The following ELF5 variants were observed in gnomAD, a reference collection of about 807,000 sequenced individuals.
ELF5 encodes the protein E74 like ETS transcription factor 5.
In ELF5, 31 loss-of-function variants were observed where a neutral mutation model predicts 38.2. That is an observed-to-expected ratio of 0.81 (90% CI 0.61 to 1.10). The LOEUF is 1.10. Among genes scored for constraint, ELF5 ranks in the 50% least tolerant of loss-of-function variants. The pLI is 0.00. For synonymous variants in ELF5, 121 were observed against 112.5 expected, an observed-to-expected ratio of 1.08 and a Z score of -0.48; for missense variants, 300 against 306.6, an observed-to-expected ratio of 0.98 and a Z score of 0.16.
intron 1 of ELF5, among the ~76,000 whole-genome samples, chr11:34,513,227 G>A (rs1408365715): frequency 6.6e-6 from 1 of 152,090 alleles, no homozygotes; most frequent in Non-Finnish European, 1.5e-5. Flanking sequence ...TAATAAGGGA[G>A]TTCTCTGTAT....
At position 34,490,003 on chromosome 11, in the gene ELF5, A is replaced by G; in HGVS notation, c.406+6T>C. 1 of 1,614,116 alleles carries G rather than the reference A, an allele frequency of 6.2e-7. No individual in the cohort carries two copies. Among genetic ancestry groups the G allele is most frequent in the Non-Finnish European group, 8.5e-7 (1 of 1,179,956 alleles). ...AGCCTTGGGTGGCTTGCGCTTGGTT[A>G]CTTACAGTCTTTGATGGTGGCCTTG... is the stretch of plus-strand genomic sequence containing the variant. On this transcript the variant is annotated splice_donor_region_variant and intron_variant, in intron 4 of 6. Transcript: ENST00000257832.
intron 2 of ELF5, among the ~76,000 whole-genome samples, chr11:34,496,414 G>A (rs1446895741): frequency 6.6e-6 from 1 of 152,194 alleles, no homozygotes; most frequent in Non-Finnish European, 1.5e-5. Flanking sequence ...CCTCAGGACG[G>A]GAGGAGAGTG....
intron 4 of ELF5, among the ~76,000 whole-genome samples, chr11:34,487,071 C>T (rs1850016177): frequency 6.6e-6 from 1 of 152,062 alleles, no homozygotes; most frequent in Non-Finnish European, 1.5e-5. Context: ...TTCATACCTC[C>T]CCTTGTGCCC....
At chr11:34,508,522 A>T (rs563353308) in intron 1 of ELF5, among the ~76,000 whole-genome samples, 167 of 152,244 alleles carry the variant, frequency 1.1e-3, no homozygotes, top group Non-Finnish European at 2.1e-3. Context: ...TAAAAAATAA[A>T]AAATAAAAAA....
rs942003530 is a variant in ELF5 at position 34,479,764 on chromosome 11, A to G, written c.*454T>C. ...AAAATCTAAAGTATGTATGTCTTAT[A>G]TCTCACCCTCTCCTACCATAACCTG... On this transcript the variant is annotated 3_prime_UTR_variant, in exon 7 of 7. Coordinates refer to ENST00000257832, the MANE Select transcript of ELF5 (RefSeq NM_001422.4). 1 of 155,596 alleles carries G rather than the reference A, an allele frequency of 6.4e-6. No individual in the cohort carries two copies. Among genetic ancestry groups the G allele is most frequent in the African/African-American group, 2.4e-5 (1 of 41,448 alleles). The allele number at this position is 155,596 out of a possible 1,614,324, so 9.6% of individuals were successfully genotyped here.
chr11:34,489,785 T>A (rs994624394), intron 4 of ELF5, among the ~76,000 whole-genome samples: 1 of 151,944 alleles, frequency 6.6e-6, no homozygotes. Flanking sequence ...GGGAATGGAG[T>A]CTCAGACGAT....
chr11:34,498,650 C>T (rs1337058069), intron 2 of ELF5, among the ~76,000 whole-genome samples: 1 of 152,122 alleles, frequency 6.6e-6, no homozygotes, highest in Non-Finnish European at 1.5e-5. Context: ...GCTGTATCCC[C>T]AGGGTGCACA....
intron 1 of ELF5, among the ~76,000 whole-genome samples, chr11:34,510,224 C>T (rs1457018464): frequency 6.6e-6 from 1 of 152,030 alleles, no homozygotes; most frequent in Non-Finnish European, 1.5e-5. Context: ...TTGTAAAGGG[C>T]CTTCTCAGGT....
chr11:34,505,770 G>C lies in ELF5; in HGVS notation c.-4-17C>G. 6.2e-7 allele frequency: 1 copy of C among 1,610,960 alleles called. No homozygotes were observed. Among genetic ancestry groups the C allele is most frequent in the African/African-American group, 1.3e-5 (1 of 74,960 alleles). ...AACATTACCCTGCAACAGCAGGAGA[G>C]GTCGTGAGGAGGCTGGGGTGAGGTA... On this transcript the variant is annotated splice_polypyrimidine_tract_variant and intron_variant, in intron 1 of 6. Transcript: ENST00000257832.
chr11:34,495,136 C>T (rs1850285728), intron 2 of ELF5, among the ~76,000 whole-genome samples: 1 of 152,182 alleles, frequency 6.6e-6, no homozygotes, highest in Non-Finnish European at 1.5e-5. Context: ...GCTCTCCCCA[C>T]ACCACCATAC....
At chr11:34,506,244 C>A (rs1220570816) in intron 1 of ELF5, among the ~76,000 whole-genome samples, 1 of 152,110 alleles carries the variant, frequency 6.6e-6, no homozygotes, top group African/African-American at 2.4e-5. Context: ...AACAGAAAAC[C>A]GTATACCTCA....
At position 34,493,576 on chromosome 11, in the gene ELF5, G is replaced by C. The variant is rs1850236360; in HGVS notation, c.258C>G (p.Gly86=). The change falls in exon 3 of 7, where the codon GGC becomes GGG. Residue 86 remains glycine (G), a synonymous_variant. Coordinates refer to ENST00000257832, the MANE Select transcript of ELF5 (RefSeq NM_001422.4). ...CCTGTGTCATGCTGCACAGCTGCAG[G>C]CCACTGATGTTGAAGTTGCAGAAGG... ...CISFCNFNIS[G]LQLCSMTQEE... is the part of the protein sequence containing the mutation. The C allele has an allele frequency of 6.2e-7, 1 of 1,614,082 alleles. No individual in the cohort carries two copies. The highest frequency in any genetic ancestry group is 1.7e-5 in the Admixed American group (1 of 59,998).
chr11:34,482,422 T>A lies in ELF5; in HGVS notation c.475+9A>T, dbSNP rs1407732217. ...GAAATTAGAATGAAAACTGGCATCC[T>A]GCACTTACTTGTTCTACTATGACTG... On this transcript the variant is annotated intron_variant, in intron 5 of 6. Transcript: ENST00000257832. The A allele has an allele frequency of 6.2e-7, 1 of 1,612,564 alleles. No homozygotes were observed. Among genetic ancestry groups the A allele is most frequent in the Admixed American group, 1.7e-5 (1 of 59,976 alleles).
At chr11:34,487,927 T>A (rs990052483) in intron 4 of ELF5, among the ~76,000 whole-genome samples, 1 of 152,176 alleles carries the variant, frequency 6.6e-6, no homozygotes, top group African/African-American at 2.4e-5. Context: ...CTGGCCTTCT[T>A]TGGTTCTTTC....
At chr11:34,493,841 G>A in intron 2 of ELF5, 129 bp from the exon 3 acceptor site, 1 of 761,240 alleles carries the variant, frequency 1.3e-6, no homozygotes, top group South Asian at 1.8e-5. Context: ...CTCCAGCCCT[G>A]GGTGTTCTGC....
intron 1 of ELF5, among the ~76,000 whole-genome samples, chr11:34,511,270 C>T (rs1302180858): frequency 6.6e-6 from 1 of 152,174 alleles, no homozygotes; most frequent in Non-Finnish European, 1.5e-5. Flanking sequence ...TTCCTCTTCT[C>T]CCTTTTCTCC....
intron 4 of ELF5, 137 bp downstream of exon 4, chr11:34,489,872 T>G: frequency 9.5e-7 from 1 of 1,047,248 alleles, no homozygotes; most frequent in South Asian, 1.3e-5. Context: ...TCCACCACGC[T>G]TTTCCCCACT....
chr11:34,507,219 C>T (rs766826), intron 1 of ELF5, among the ~76,000 whole-genome samples: 50,939 of 152,124 alleles, frequency 0.33, 9,019 homozygotes, highest in South Asian at 0.49. Flanking sequence ...GCAGCATGTG[C>T]GGCCCAAGGT....
intron 1 of ELF5, among the ~76,000 whole-genome samples, chr11:34,507,967 C>A (rs1352489491): frequency 6.6e-6 from 1 of 152,050 alleles, no homozygotes; most frequent in African/African-American, 2.4e-5. Context: ...CTATTATTTA[C>A]TTAAAATACT....
Sources: allele counts gnomAD v4.1 joint callset (sites outside exome capture counted in the v4.1 genomes callset), GRCh38; gene constraint gnomAD v4.1.1; transcripts MANE v1.5; gene names NCBI Gene and HGNC (gene_info 2026-07-23, HGNC 2026-07-21).